C22orf23: variants seen among roughly 807,000 people sequenced by gnomAD.
C22orf23 encodes UPF0193 protein EVG1.
Under a neutral mutation model 29.7 loss-of-function variants are expected in C22orf23, and 30 were observed. The observed-to-expected ratio is 1.01, with a 90% CI of 0.76 to 1.37. The LOEUF (loss-of-function observed/expected upper bound fraction) is 1.37, where lower values mean the gene tolerates loss of function less well. C22orf23 is among the 40% of genes most tolerant of loss of function. The probability of loss-of-function intolerance (pLI) is 0.00; values close to 1 mark genes in which losing one functional copy is unlikely to be tolerated. For missense variants in C22orf23, 237 were observed against 273.1 expected, an observed-to-expected ratio of 0.87 and a Z score of 0.93; for synonymous variants, 90 against 96.1, an observed-to-expected ratio of 0.94 and a Z score of 0.37.
intron 3 of C22orf23, among the ~76,000 whole-genome samples, chr22:37,949,842 C>G (rs1387734318): frequency 6.6e-6 from 1 of 152,032 alleles, no homozygotes; most frequent in Admixed American, 6.6e-5. Flanking sequence ...AGCGAGCGGT[C>G]AGAAGTATTA....
At chr22:37,952,833 A>ATTCT in intron 2 of C22orf23, 1 of 475,986 alleles carries the variant, frequency 2.1e-6, no homozygotes, top group Non-Finnish European at 3.8e-6. Context: ...ACGGCCTTAG[A>ATTCT]TTCTCATAGG....
Position 37,944,242 on chromosome 22 carries a change from A to C in C22orf23, c.587T>G (p.Leu196Arg). Residue 196 changes from leucine (L) to arginine (R), a missense_variant, in exon 7 of 7, where the codon CTC becomes CGC. Physicochemically the swap from Leu to Arg is moderately radical, Grantham distance 102. Transcript: ENST00000403305. ...GIILAEISQK[L>R]REMEDIDHRR... The stretch of plus-strand genomic sequence containing the variant: ...GTGGTCAATGTCTTCCATTTCCCGG[A>C]GTTTCTGCAAAGGGCATCAGGGAAA... 1.2e-6 allele frequency: 2 copies of C among 1,614,118 alleles called. No individual in the cohort carries two copies. Among genetic ancestry groups the C allele is most frequent in the Non-Finnish European group, 1.7e-6 (2 of 1,180,022 alleles).
Position 37,953,130 on chromosome 22 carries a change from A to C in C22orf23, c.20T>G (p.Met7Arg), listed in dbSNP as rs753251525. 18 of 1,613,794 alleles carry C rather than the reference A, an allele frequency of 1.1e-5. No homozygotes were observed. In the Admixed American group the frequency reaches 2.8e-4, roughly 25 times the overall value. ...CCCAGTTCCTTTGGTCACTACCTCC[A>C]TCTGCTTCTGTGAAGCCATGGGAGG... MASQKQ[M>R]EVVTKGTGFR... The change falls in exon 2 of 7, where the codon ATG becomes AGG. Residue 7 changes from methionine (M) to arginine (R), a missense_variant. Physicochemically the swap from Met to Arg is moderately conservative, Grantham distance 91 (BLOSUM62 -1). Coordinates refer to ENST00000403305, the MANE Select transcript of C22orf23 (RefSeq NM_032561.5).
intron 2 of C22orf23, chr22:37,951,747 G>T (rs1931025681): frequency 9.7e-6 from 2 of 207,016 alleles, no homozygotes; most frequent in Admixed American, 6.3e-5. Flanking sequence ...AAGAATTTTT[G>T]CTGGTTTAAT....
intron 4 of C22orf23, among the ~76,000 whole-genome samples, chr22:37,945,984 C>G (rs1028562366): frequency 6.6e-6 from 1 of 151,514 alleles, no homozygotes. Context: ...ATGGGCCGGG[C>G]GCGGTAGCTC....
Position 37,943,295 on chromosome 22 carries a change from C to T in C22orf23, c.*880G>A, listed in dbSNP as rs146773609. 20 of 152,254 alleles carry T rather than the reference C, an allele frequency of 1.3e-4. No homozygotes were observed. The highest frequency in any genetic ancestry group is 7.7e-4 in the East Asian group (4 of 5,162). The allele number at this position is 152,254 out of a possible 1,614,324, so 9.4% of individuals were successfully genotyped here. The stretch of plus-strand genomic sequence containing the variant: ...GCAGGGCCTCGCAGATGCACAAGCA[C>T]GGAGCTGGTGGGTTTTGCCCAAGAA... On this transcript the variant is annotated 3_prime_UTR_variant, in exon 7 of 7. Coordinates refer to ENST00000403305, the MANE Select transcript of C22orf23 (RefSeq NM_032561.5).
At chr22:37,950,584 G>A (rs1006098104) in intron 3 of C22orf23, among the ~76,000 whole-genome samples, 2 of 152,034 alleles carry the variant, frequency 1.3e-5, no homozygotes, top group Non-Finnish European at 2.9e-5. Context: ...GGGACTACAG[G>A]TTGGCACCAC....
chr22:37,952,593 AC>A (rs1329403589), intron 2 of C22orf23: 1 of 129,262 alleles, frequency 7.7e-6, no homozygotes, highest in Non-Finnish European at 1.6e-5. Context: ...AGCTTTCTGA[AC>A]CCCAGGCTCC....
Position 37,951,797 on chromosome 22 carries a change from CTTTTTTTTTTTTTTTT to C in C22orf23, c.104-291_104-276del, listed in dbSNP as rs551481283. 198 of 38,790 alleles carry C rather than the reference CTTTTTTTTTTTTTTTT, an allele frequency of 5.1e-3. 2 individuals carry two copies. The highest frequency in any genetic ancestry group is 0.016 in the Middle Eastern group (1 of 64). 2.4% of individuals were successfully genotyped at this position (38,790 alleles called of 1,614,324 possible). ...CTGTTAAATATTTTTTCCTCTTTCT[CTTTTTTTTTTTTTTTT>C]TTTTTTTTTTTTTTTTTTTGAGATG... On this transcript the variant is annotated intron_variant, in intron 2 of 6. Transcript: ENST00000403305.
intron 3 of C22orf23, among the ~76,000 whole-genome samples, chr22:37,948,442 T>A (rs1423306693): frequency 6.6e-6 from 1 of 150,994 alleles, no homozygotes; most frequent in Non-Finnish European, 1.5e-5. Context: ...TGAGCAAGAC[T>A]GTCTCAAAAA....
Position 37,944,118 on chromosome 22 carries a change from A to T in C22orf23, c.*57T>A, listed in dbSNP as rs967680793. 40 of 1,516,240 alleles carry T rather than the reference A, an allele frequency of 2.6e-5. No individual in the cohort carries two copies. The highest frequency in any genetic ancestry group is 3.1e-5 in the Non-Finnish European group (34 of 1,090,966). 93.9% of individuals were successfully genotyped at this position (1,516,240 alleles called of 1,614,324 possible). A position where few individuals can be genotyped will look rare whatever the true frequency, so the allele number is the denominator to read the frequency against. ...TGGCCTGAGGATGGCCCTGCCTGGC[A>T]GAGGAGTGGACTCCAGTGGTCGAGC... is the stretch of plus-strand genomic sequence containing the variant. On this transcript the variant is annotated 3_prime_UTR_variant, in exon 7 of 7. Coordinates refer to ENST00000403305, the MANE Select transcript of C22orf23 (RefSeq NM_032561.5).
intron 3 of C22orf23, 143 bp from the exon 4 acceptor site, chr22:37,947,606 G>T: frequency 1.6e-6 from 1 of 642,940 alleles, no homozygotes; most frequent in Non-Finnish European, 2.4e-6. Context: ...TGCCTCTTAG[G>T]TTCAAGCGAT....
rs139859 is a variant in C22orf23, at chr22:37,945,127, T to A, written c.396A>T (p.Thr132=). The A allele has an allele frequency of 1.9e-6, 3 of 1,612,546 alleles. No individual in the cohort carries two copies. In the African/African-American group the frequency reaches 4.0e-5, roughly 22 times the overall value. ...EKQRLQNIFA[T]GKDMEERKRK... ...TTTTCCGTTCCTCCATGTCCTTCCC[T>A]GTGGCAAAGATATTTTGGAGTCTTT... The change falls in exon 5 of 7, where the codon ACA becomes ACT. Residue 132 remains threonine, a synonymous_variant. Coordinates refer to ENST00000403305, the MANE Select transcript of C22orf23 (RefSeq NM_032561.5).
chr22:37,944,593 G>A, intron 5 of C22orf23, 76 bp from the exon 6 acceptor site: 1 of 1,285,710 alleles, frequency 7.8e-7, no homozygotes, highest in Non-Finnish European at 1.1e-6. Flanking sequence ...GAGAGGAAGT[G>A]GTTCTATTGT....
At position 37,944,432 on chromosome 22, in the gene C22orf23, A is replaced by C; in HGVS notation, c.567T>G (p.Leu189=). 15 of 1,614,146 alleles carry C rather than the reference A, an allele frequency of 9.3e-6. No individual in the cohort carries two copies. The highest frequency in any genetic ancestry group is 1.2e-5 in the Non-Finnish European group (14 of 1,180,026). ...TTTCTCCTACCTGGGAGATTTCAGC[A>C]AGGATGATTCCTCGGTACTGTTTGC... ...GQGKQYRGII[L]AEISQKLREM... is the part of the protein sequence containing the mutation. The change falls in exon 6 of 7, where the codon CTT becomes CTG. Residue 189 remains leucine (L), a synonymous_variant. Transcript: ENST00000403305.
In C22orf23 at chr22:37,945,060, G is replaced by C. The variant is rs565460682; in HGVS notation, c.463C>G (p.Leu155Val). ...GTCTTACGCTCTTCAAATCGGTCTA[G>C]CTCAGGGGCTGGAGCCTTCTGTCGT... ...PARQKAPAPE[L>V]DRFEELVKEI... Residue 155 changes from leucine (L) to valine (V), a missense_variant, in exon 5 of 7, where the codon CTA (leucine) becomes GTA (valine). Leu to Val is a conservative substitution (Grantham distance 32). Transcript: ENST00000403305. The C allele has an allele frequency of 6.2e-7, 1 of 1,612,090 alleles. No homozygotes were observed. Among genetic ancestry groups the C allele is most frequent in the East Asian group, 2.2e-5 (1 of 44,740 alleles).
At chr22:37,945,797 G>A (rs1396671786) in intron 4 of C22orf23, among the ~76,000 whole-genome samples, 7 of 126,436 alleles carry the variant, frequency 5.5e-5, no homozygotes, top group Admixed American at 1.7e-4. Context: ...ACGCCTGACC[G>A]ATATCCTATC....
Position 37,951,475 on chromosome 22 carries a change from T to C in C22orf23, c.151A>G (p.Met51Val), listed in dbSNP as rs146937811. Residue 51 changes from methionine (M) to valine (V), a missense_variant, in exon 3 of 7, where the codon ATG (methionine) becomes GTG (valine). By Grantham distance (21) the Met-to-Val change is conservative (BLOSUM62 1). Transcript: ENST00000403305. Reference sequence around the variant, plus strand: ...TGCCCCTTACTTTTCATGATGTCCATGATGTGGCGCTGCTGGATGTTCGTC... The same window carrying C: ...TGCCCCTTACTTTTCATGATGTCCACGATGTGGCGCTGCTGGATGTTCGTC... ...KLTNIQQRHIMDIMKRGDALP... is the reference protein window; with the variant it reads ...KLTNIQQRHIVDIMKRGDALP... The C allele has an allele frequency of 3.7e-6, 6 of 1,613,958 alleles. No homozygotes were observed. In the African/African-American group the frequency reaches 4.0e-5, roughly 11 times the overall value.
In C22orf23 at chr22:37,947,444, T is replaced by A. The variant is rs1349955033; in HGVS notation, c.186A>T (p.Leu62=). 6.3e-7 allele frequency: 1 copy of A among 1,592,310 alleles called. No homozygotes were observed. Among genetic ancestry groups the A allele is most frequent in the Admixed American group, 1.7e-5 (1 of 57,910 alleles). The change falls in exon 4 of 7, where the codon CTA becomes CTT. Residue 62 remains leucine, a synonymous_variant. Transcript: ENST00000403305. Reference sequence around the variant, plus strand: ...TCTGGCTGGATGTTGGGCTGCACTGTAGGGGCAAAGCATCTCCTCCTGGGG... The same window carrying A: ...TCTGGCTGGATGTTGGGCTGCACTGAAGGGGCAAAGCATCTCCTCCTGGGG... ...DIMKRGDALP[L]QCSPTSSQRV...
Sources: allele counts gnomAD v4.1 joint callset (sites outside exome capture counted in the v4.1 genomes callset), GRCh38; gene constraint gnomAD v4.1.1; transcripts MANE v1.5; gene names NCBI Gene and HGNC (gene_info 2026-07-23, HGNC 2026-07-21).